SPAG16: variants seen among roughly 807,000 people sequenced by gnomAD.
The protein encoded by SPAG16 is sperm associated antigen 16.
A neutral mutation model predicts 80.4 loss-of-function variants in SPAG16; 86 were observed. The ratio of observed to expected loss-of-function variants is 1.07; its 90% CI spans 0.90 to 1.28. SPAG16 has a LOEUF of 1.28. Ranked by LOEUF, SPAG16 falls within the 50% of genes most tolerant of loss-of-function variation. SPAG16 has a pLI of 0.00. For missense variants in SPAG16, 870 were observed against 765.3 expected, an observed-to-expected ratio of 1.14 and a Z score of -1.61; for synonymous variants, 294 against 265.9, an observed-to-expected ratio of 1.11 and a Z score of -1.03.
At chr2:213,424,878 TA>T (rs1207684049) in intron 9 of SPAG16, among the ~76,000 whole-genome samples, 1 of 152,238 alleles carries the variant, frequency 6.6e-6, no homozygotes, top group African/African-American at 2.4e-5. Flanking sequence ...GCCACTGAGT[TA>T]TATTCATTTC....
intron 15 of SPAG16, among the ~76,000 whole-genome samples, chr2:214,384,939 C>T (rs549204669): frequency 6.6e-6 from 1 of 152,332 alleles, no homozygotes; most frequent in Admixed American, 6.5e-5. Flanking sequence ...TTTCTCCTTT[C>T]CATATTCACT....
chr2:214,348,527 C>CT (rs976258024), intron 15 of SPAG16, among the ~76,000 whole-genome samples: 51 of 152,118 alleles, frequency 3.4e-4, no homozygotes, highest in African/African-American at 1.1e-3. Flanking sequence ...TATGAAGCTG[C>CT]TTTTTTATTT....
intron 13 of SPAG16, among the ~76,000 whole-genome samples, chr2:214,035,840 C>T (rs1003914229): frequency 1.3e-5 from 2 of 152,120 alleles, no homozygotes; most frequent in African/African-American, 4.8e-5. Flanking sequence ...AAGTTCCTGC[C>T]CTGTCAACTC....
intron 3 of SPAG16, among the ~76,000 whole-genome samples, chr2:213,299,944 A>T (rs900217439): frequency 6.6e-6 from 1 of 152,170 alleles, no homozygotes; most frequent in East Asian, 1.9e-4. Context: ...ATGTAAATAT[A>T]TGAAAAGAAA....
At position 214,016,609 on chromosome 2, in the gene SPAG16, T is replaced by C. The variant is rs77954345; in HGVS notation, c.1527+2532T>C. ...TCTAAGATCAAATAAAGGATCCTCC[T>C]TTGTTCAGATAGGAGACAGCATGTT... On this transcript the variant is annotated intron_variant, in intron 13 of 15. Coordinates refer to ENST00000331683, the MANE Select transcript of SPAG16 (RefSeq NM_024532.5). 1.3e-3 allele frequency among the ~76,000 whole-genome samples: 199 copies of C among 152,318 alleles called. 6 individuals are homozygous for C. In the East Asian group the frequency reaches 0.029, roughly 22 times the overall value.
At chr2:213,626,951 A>AT (rs2061984806) in intron 10 of SPAG16, among the ~76,000 whole-genome samples, 1 of 151,954 alleles carries the variant, frequency 6.6e-6, no homozygotes, top group South Asian at 2.1e-4. Flanking sequence ...CCCACCCTGA[A>AT]TTTTTTCTTT....
At chr2:213,559,133 T>C (rs1161496280) in intron 10 of SPAG16, among the ~76,000 whole-genome samples, 1 of 152,162 alleles carries the variant, frequency 6.6e-6, no homozygotes, top group Non-Finnish European at 1.5e-5. Flanking sequence ...ATTTTATTCT[T>C]TTGACGCAAT....
chr2:213,943,983 G>T (rs2106297817), intron 12 of SPAG16, among the ~76,000 whole-genome samples: 1 of 152,274 alleles, frequency 6.6e-6, no homozygotes, highest in Admixed American at 6.5e-5. Flanking sequence ...CTATTCAACT[G>T]CAAAAACATG....
chr2:213,379,643 C>T (rs1292997612), intron 9 of SPAG16, among the ~76,000 whole-genome samples: 3 of 152,226 alleles, frequency 2.0e-5, no homozygotes, highest in Admixed American at 2.0e-4. Flanking sequence ...GGACAAACCT[C>T]TGCCCTTTCC....
intron 15 of SPAG16, among the ~76,000 whole-genome samples, chr2:214,379,433 G>A (rs1324312759): frequency 6.6e-6 from 1 of 152,174 alleles, no homozygotes. Context: ...CCAAGCCCAT[G>A]CTCTTCCTTT....
At chr2:213,684,097 A>T (rs1245902790) in intron 10 of SPAG16, among the ~76,000 whole-genome samples, 1 of 152,226 alleles carries the variant, frequency 6.6e-6, no homozygotes, top group African/African-American at 2.4e-5. Context: ...TGCCTGTCAG[A>T]TTCAAACTTA....
rs565016696 is a variant in SPAG16 at position 213,677,407 on chromosome 2, A to T, written c.1071-185078A>T. ...GCAGAGACACACATAGGCTCAAAAT[A>T]AAAGGATGGAGGAAGATCTACCAAG... On this transcript the variant is annotated intron_variant, in intron 10 of 15. Coordinates refer to ENST00000331683, the MANE Select transcript of SPAG16 (RefSeq NM_024532.5). 4.6e-5 allele frequency among the ~76,000 whole-genome samples: 7 copies of T among 152,254 alleles called. No homozygotes were observed. In the East Asian group the frequency reaches 1.4e-3, roughly 29 times the overall value.
At chr2:213,354,574 C>T (rs1458032648) in intron 7 of SPAG16, among the ~76,000 whole-genome samples, 1 of 152,158 alleles carries the variant, frequency 6.6e-6, no homozygotes, top group Non-Finnish European at 1.5e-5. Flanking sequence ...TTAATGATCG[C>T]CATTGCAACT....
intron 5 of SPAG16, among the ~76,000 whole-genome samples, chr2:213,337,139 G>A (rs910503540): frequency 1.3e-5 from 2 of 152,166 alleles, no homozygotes; most frequent in African/African-American, 4.8e-5. Flanking sequence ...CTGTAGAAGA[G>A]GGGGCCTGAC....
chr2:213,720,739 G>C (rs1163571681), intron 10 of SPAG16, among the ~76,000 whole-genome samples: 1 of 127,100 alleles, frequency 7.9e-6, no homozygotes, highest in African/African-American at 2.8e-5. Context: ...GCCGAAGTAA[G>C]TCCTTTTTTT....
chr2:213,979,303 G>A (rs2045574945), intron 12 of SPAG16, among the ~76,000 whole-genome samples: 1 of 152,008 alleles, frequency 6.6e-6, no homozygotes, highest in South Asian at 2.1e-4. Flanking sequence ...ATTCAGGAAT[G>A]TTTGTCTCAG....
chr2:213,640,888 A>T (rs1358221754), intron 10 of SPAG16, among the ~76,000 whole-genome samples: 1 of 152,158 alleles, frequency 6.6e-6, no homozygotes, highest in Non-Finnish European at 1.5e-5. Context: ...TCCATGAGGT[A>T]ATGCTTTCAA....
intron 15 of SPAG16, among the ~76,000 whole-genome samples, chr2:214,369,496 C>T (rs1699683683): frequency 6.6e-6 from 1 of 152,114 alleles, no homozygotes; most frequent in Admixed American, 6.6e-5. Context: ...CTACCTCCTT[C>T]TCCACTTAAA....
Position 213,831,034 on chromosome 2 carries a change from C to CTT in SPAG16, c.1071-31429_1071-31428dup, listed in dbSNP as rs34523016. 8.2e-3 allele frequency among the ~76,000 whole-genome samples: 665 copies of CTT among 80,792 alleles called. 1 individual carries two copies. Among genetic ancestry groups the CTT allele is most frequent in the African/African-American group, 0.012 (275 of 22,412 alleles). The allele number at this position is 80,792 out of a possible 152,430, so 53.0% of individuals were successfully genotyped here. A position where few individuals can be genotyped will look rare whatever the true frequency, so the allele number is the denominator to read the frequency against. On this transcript the variant is annotated intron_variant, in intron 10 of 15. Coordinates refer to ENST00000331683, the MANE Select transcript of SPAG16 (RefSeq NM_024532.5). Reference sequence around the variant, plus strand: ...TTTATTGTTGAAAAGTGAAACATGACTTTTTTTTTTTTTTTTTTTTTTTGA... The same window carrying CTT: ...TTTATTGTTGAAAAGTGAAACATGACTTTTTTTTTTTTTTTTTTTTTTTTTGA...
Sources: allele counts gnomAD v4.1 joint callset (sites outside exome capture counted in the v4.1 genomes callset), GRCh38; gene constraint gnomAD v4.1.1; transcripts MANE v1.5; gene names NCBI Gene and HGNC (gene_info 2026-07-23, HGNC 2026-07-21).